C17orf78: variants seen among roughly 807,000 people sequenced by gnomAD.
C17orf78 encodes chromosome 17 open reading frame 78.
C17orf78 carries 27 observed loss-of-function variants against 31.8 expected under a neutral mutation model. That is an observed-to-expected ratio of 0.85 (90% CI 0.63 to 1.17). C17orf78 has a LOEUF of 1.17. C17orf78 is among the 50% of genes most tolerant of loss of function. The pLI is 0.00. For missense variants in C17orf78, 258 were observed against 315.2 expected (o/e 0.82, Z 1.37); for synonymous variants, 106 against 115.1 (o/e 0.92, Z 0.51).
chr17:37,390,157 T>C (rs1174346044), intron 6 of C17orf78, among the ~76,000 whole-genome samples: 3 of 34,604 alleles, frequency 8.7e-5, no homozygotes, highest in Admixed American at 6.2e-4. Flanking sequence ...TATATATATA[T>C]ATATATATAT....
intron 6 of C17orf78, among the ~76,000 whole-genome samples, chr17:37,390,175 T>TATATATACACACACACAC (rs60788220): frequency 2.2e-5 from 1 of 44,512 alleles, no homozygotes; most frequent in African/African-American, 1.2e-4. Context: ...TATATATATA[T>TATATATACACACACACAC]ACACACACAC....
chr17:37,384,874 A>G (rs2050458608), intron 3 of C17orf78, among the ~76,000 whole-genome samples: 1 of 152,196 alleles, frequency 6.6e-6, no homozygotes. Context: ...GACTTAAGAC[A>G]TGGAAGAGTA....
intron 1 of C17orf78, 36 bp downstream of exon 1, chr17:37,376,186 CAG>C: frequency 3.9e-6 from 6 of 1,550,686 alleles, no homozygotes; most frequent in South Asian, 3.3e-5. Flanking sequence ...CTGGAAAATA[CAG>C]AGAGAGGCCT....
chr17:37,389,513 G>A (rs1437383233), intron 6 of C17orf78, 151 bp downstream of exon 6: 12 of 771,886 alleles, frequency 1.6e-5, no homozygotes, highest in Middle Eastern at 6.5e-4. Flanking sequence ...CCAACATGAC[G>A]AAACCCTGTC....
intron 1 of C17orf78, among the ~76,000 whole-genome samples, chr17:37,377,384 C>T (rs1012804087): frequency 1.3e-5 from 2 of 152,028 alleles, no homozygotes; most frequent in Non-Finnish European, 2.9e-5. Context: ...GAGGGCCGGG[C>T]GTGGTGGCTC....
Position 37,392,019 on chromosome 17 carries a change from C to G in C17orf78, c.*295C>G, listed in dbSNP as rs1597792836. Reference sequence around the variant, plus strand: ...AGCACTATGAATGGACCTTACTACTCTCTTTGACAGAAGACTCAAACACAG... The same window carrying G: ...AGCACTATGAATGGACCTTACTACTGTCTTTGACAGAAGACTCAAACACAG... On this transcript the variant is annotated 3_prime_UTR_variant, in exon 7 of 7. Transcript: ENST00000615133. The G allele has an allele frequency of 2.9e-6, 1 of 350,072 alleles. No homozygotes were observed. Among genetic ancestry groups the G allele is most frequent in the Non-Finnish European group, 5.2e-6 (1 of 190,884 alleles). The allele number at this position is 350,072 out of a possible 1,614,324, so 21.7% of individuals were successfully genotyped here.
intron 1 of C17orf78, among the ~76,000 whole-genome samples, chr17:37,377,541 T>C (rs2147713972): frequency 6.6e-6 from 1 of 152,008 alleles, no homozygotes; most frequent in African/African-American, 2.4e-5. Context: ...ATGCCCGTAA[T>C]CCCAGCTACT....
At chr17:37,382,742 C>T (rs2050355068) in intron 3 of C17orf78, among the ~76,000 whole-genome samples, 1 of 152,142 alleles carries the variant, frequency 6.6e-6, no homozygotes, top group Non-Finnish European at 1.5e-5. Flanking sequence ...TGCCTGTAGT[C>T]CTAGCTACTC....
At chr17:37,386,810 A>C (rs1348823637) in intron 4 of C17orf78, 1 of 152,100 alleles carries the variant, frequency 6.6e-6, no homozygotes, top group Non-Finnish European at 1.5e-5. Flanking sequence ...ACACCAACCA[A>C]GTGCTTTTCT....
intron 5 of C17orf78, 143 bp downstream of exon 5, chr17:37,388,937 T>A (rs1048844557): frequency 4.4e-6 from 5 of 1,148,022 alleles, no homozygotes; most frequent in Non-Finnish European, 6.1e-6. Flanking sequence ...TGAGTGGTGT[T>A]GGGAAAGTTG....
In C17orf78 at chr17:37,392,584, TAA is replaced by T. The variant is rs1191524037; in HGVS notation, c.*861_*862del. The T allele has an allele frequency of 6.6e-6, 1 of 152,132 alleles. No individual in the cohort carries two copies. The highest frequency in any genetic ancestry group is 1.5e-5 in the Non-Finnish European group (1 of 68,016). The allele number at this position is 152,132 out of a possible 1,614,324, so 9.4% of individuals were successfully genotyped here. A position where few individuals can be genotyped will look rare whatever the true frequency, so the allele number is the denominator to read the frequency against. ...CAGGGTGAGGCCCTGCTTCTTTTCC[TAA>T]GAGTCTGAAACCATTCCATTTCATT... On this transcript the variant is annotated 3_prime_UTR_variant, in exon 7 of 7. Coordinates refer to ENST00000615133, the MANE Select transcript of C17orf78 (RefSeq NM_173625.5).
chr17:37,391,968 A>C lies in C17orf78; in HGVS notation c.*244A>C. Reference sequence around the variant, plus strand: ...AAATGGATACCTTTCCATCCCCTCAAACGAGAACAAAAAGTATTCCCTGCA... The same window carrying C: ...AAATGGATACCTTTCCATCCCCTCACACGAGAACAAAAAGTATTCCCTGCA... On this transcript the variant is annotated 3_prime_UTR_variant, in exon 7 of 7. Coordinates refer to ENST00000615133, the MANE Select transcript of C17orf78 (RefSeq NM_173625.5). The C allele has an allele frequency of 1.9e-6, 1 of 512,872 alleles. No homozygotes were observed. Among genetic ancestry groups the C allele is most frequent in the Non-Finnish European group, 3.5e-6 (1 of 287,798 alleles). The allele number at this position is 512,872 out of a possible 1,614,324, so 31.8% of individuals were successfully genotyped here.
At chr17:37,384,749 A>C (rs1441051976) in intron 3 of C17orf78, among the ~76,000 whole-genome samples, 1 of 152,180 alleles carries the variant, frequency 6.6e-6, no homozygotes, top group African/African-American at 2.4e-5. Context: ...GTCTGCCAAC[A>C]CTGTCTTCCT....
chr17:37,389,476 C>A, intron 6 of C17orf78, 114 bp downstream of exon 6: 1 of 1,401,950 alleles, frequency 7.1e-7, no homozygotes, highest in South Asian at 1.4e-5. Flanking sequence ...GCAGGTGGAT[C>A]ACCTGAGGTG....
At chr17:37,377,766 G>A in intron 1 of C17orf78, 113 bp from the exon 2 acceptor site, 2 of 706,374 alleles carry the variant, frequency 2.8e-6, no homozygotes, top group Admixed American at 2.9e-5. Flanking sequence ...AGCAGGAACT[G>A]CAATCTTTCA....
chr17:37,384,257 T>C (rs961413900), intron 3 of C17orf78, among the ~76,000 whole-genome samples: 1 of 152,186 alleles, frequency 6.6e-6, no homozygotes, highest in African/African-American at 2.4e-5. Context: ...TGTTCTGCAA[T>C]ACAAATGCTC....
intron 3 of C17orf78, among the ~76,000 whole-genome samples, chr17:37,382,108 G>A (rs2050319138): frequency 6.6e-6 from 1 of 150,896 alleles, no homozygotes; most frequent in African/African-American, 2.4e-5. Flanking sequence ...TATTCTTCTT[G>A]TATACCTGCA....
At chr17:37,385,514 A>C (rs908049627) in intron 3 of C17orf78, among the ~76,000 whole-genome samples, 1 of 151,978 alleles carries the variant, frequency 6.6e-6, no homozygotes. Context: ...CAAGGAGTAC[A>C]TGAAGCTGGG....
At chr17:37,390,330 A>ATATATATATATCTATATCTATATC (rs1386032855) in intron 6 of C17orf78, among the ~76,000 whole-genome samples, 6 of 41,578 alleles carry the variant, frequency 1.4e-4, no homozygotes, top group African/African-American at 6.4e-4. Context: ...ATATATATAT[A>ATATATATATATCTATATCTATATC]TATAAAAGGC....
Sources: allele counts gnomAD v4.1 joint callset (sites outside exome capture counted in the v4.1 genomes callset), GRCh38; gene constraint gnomAD v4.1.1; transcripts MANE v1.5; gene names NCBI Gene and HGNC (gene_info 2026-07-23, HGNC 2026-07-21).